The following CRISP1 variants were observed in gnomAD, a reference collection of about 807,000 sequenced individuals.
CRISP1 encodes the protein cysteine rich secretory protein 1.
A neutral mutation model predicts 33.1 loss-of-function variants in CRISP1; 44 were observed. The ratio of observed to expected loss-of-function variants is 1.33; its 90% confidence interval spans 1.05 to 1.71. The LOEUF (loss-of-function observed/expected upper bound fraction) is 1.71, where lower values mean the gene tolerates loss of function less well. CRISP1 is among the 40% of genes most tolerant of loss of function. CRISP1 has a pLI of 0.00. For missense variants in CRISP1, 390 were observed against 301.2 expected (o/e 1.29, Z -2.18); for synonymous variants, 103 against 98.7 (o/e 1.04, Z -0.26).
intron 1 of CRISP1, among the ~76,000 whole-genome samples, chr6:49,858,225 G>C (rs1771547278): frequency 6.6e-6 from 1 of 152,104 alleles, no homozygotes; most frequent in African/African-American, 2.4e-5. Flanking sequence ...ACAAATCAGA[G>C]CTAATGTACC....
rs145478488 is a variant in CRISP1 at position 49,845,499 on chromosome 6, T to A, written c.435+1021A>T. ...TAATAGAGCAAAGATGTGAAGAAATTGCAAATTTTGTAAATTGCTGGTGGG... is the reference window on the plus strand; with the variant it reads ...TAATAGAGCAAAGATGTGAAGAAATAGCAAATTTTGTAAATTGCTGGTGGG... On this transcript the variant is annotated intron_variant, in intron 5 of 7. Coordinates refer to ENST00000335847, the MANE Select transcript of CRISP1 (RefSeq NM_001131.3). 4.5e-3 allele frequency among the ~76,000 whole-genome samples: 683 copies of A among 152,334 alleles called. 5 individuals are homozygous for A. Among genetic ancestry groups the A allele is most frequent in the African/African-American group, 0.016 (661 of 41,584 alleles).
chr6:49,837,798 G>A (rs1399074563), intron 7 of CRISP1, among the ~76,000 whole-genome samples: 1 of 151,788 alleles, frequency 6.6e-6, no homozygotes, highest in Admixed American at 6.6e-5. Context: ...AATTATGTTT[G>A]CAGGTAGGCT....
In CRISP1 at chr6:49,848,295, C is replaced by T; in HGVS notation, c.200G>A (p.Trp67Ter). The T allele has an allele frequency of 6.3e-7, 1 of 1,587,188 alleles. No homozygotes were observed. ...PPASNMLKMS[W>*]SEEAAQNARI... ...GGCATTTTGTGCAGCCTCTTCACTCCAACTCTGTAGTGGAAAGAAAAAAAA... is the reference window on the plus strand; with the variant it reads ...GGCATTTTGTGCAGCCTCTTCACTCTAACTCTGTAGTGGAAAGAAAAAAAA... Residue 67 changes from tryptophan to a stop codon, truncating the protein, a stop_gained, in exon 4 of 8, where the codon TGG (tryptophan) becomes TAG (stop). Coordinates refer to ENST00000335847, the MANE Select transcript of CRISP1 (RefSeq NM_001131.3). LOFTEE classifies it high-confidence loss of function.
chr6:49,841,726 A>G (rs902408632), intron 5 of CRISP1, among the ~76,000 whole-genome samples: 13 of 152,226 alleles, frequency 8.5e-5, no homozygotes, highest in African/African-American at 3.1e-4. Context: ...GGCATACTGT[A>G]GAGTACTGAG....
upstream of CRISP1, among the ~76,000 whole-genome samples, chr6:49,868,750 A>G (rs1386341340): frequency 6.6e-6 from 1 of 152,100 alleles, no homozygotes; most frequent in Non-Finnish European, 1.5e-5. Context: ...TTGCTTCTTC[A>G]TACCACTCAG....
chr6:49,871,683 A>C (rs545612073), intron 1 of CRISP1, among the ~76,000 whole-genome samples: 3 of 151,414 alleles, frequency 2.0e-5, no homozygotes, highest in Non-Finnish European at 4.4e-5. Context: ...GTTTGCTGAG[A>C]ATGATGGTTT....
chr6:49,845,006 C>T (rs761769129), intron 5 of CRISP1, among the ~76,000 whole-genome samples: 6 of 151,934 alleles, frequency 3.9e-5, no homozygotes, highest in Non-Finnish European at 5.9e-5. Context: ...TGGGATGGAA[C>T]GAATCTATTT....
chr6:49,839,683 GA>G (rs1157698911), intron 6 of CRISP1, among the ~76,000 whole-genome samples: 2 of 152,188 alleles, frequency 1.3e-5, no homozygotes, highest in African/African-American at 4.8e-5. Context: ...CTTCAACCAA[GA>G]AAATTCCCCA....
chr6:49,874,613 T>A (rs1771996935), intron 1 of CRISP1, among the ~76,000 whole-genome samples: 2 of 152,032 alleles, frequency 1.3e-5, no homozygotes, highest in Non-Finnish European at 2.9e-5. Context: ...CAACAAAAAC[T>A]TCAGGTCAAT....
rs116718098 is a variant in CRISP1 at position 49,849,767 on chromosome 6, T to G, written c.196-1468A>C. Among the ~76,000 whole-genome samples the G allele has an allele frequency of 4.6e-3, 702 of 152,244 alleles. 12 individuals carry two copies. The highest frequency in any genetic ancestry group is 0.016 in the African/African-American group (680 of 41,558). On this transcript the variant is annotated intron_variant, in intron 3 of 7. Coordinates refer to ENST00000335847, the MANE Select transcript of CRISP1 (RefSeq NM_001131.3). ...GTATTTGCTGCCATCTTGTGGTCAA[T>G]GTTTAGAATTACCCTTGGGGTTGAT...
At chr6:49,872,578 T>C (rs1771950033) in intron 1 of CRISP1, among the ~76,000 whole-genome samples, 1 of 152,108 alleles carries the variant, frequency 6.6e-6, no homozygotes, top group Admixed American at 6.5e-5. Context: ...AATTTTTGTA[T>C]AAGGTGTAAG....
chr6:49,852,548 T>G (rs933386093), intron 2 of CRISP1, among the ~76,000 whole-genome samples: 1 of 152,170 alleles, frequency 6.6e-6, no homozygotes, highest in Non-Finnish European at 1.5e-5. Context: ...TACTTCCACT[T>G]GAACCCTTGT....
chr6:49,844,638 G>A (rs190192310), intron 5 of CRISP1, among the ~76,000 whole-genome samples: 6 of 133,390 alleles, frequency 4.5e-5, no homozygotes, highest in Admixed American at 4.3e-4. Flanking sequence ...ACAGAGCCAT[G>A]GGTGATGCTG....
intron 2 of CRISP1, among the ~76,000 whole-genome samples, chr6:49,854,466 C>T (rs895319496): frequency 6.6e-6 from 1 of 152,148 alleles, no homozygotes; most frequent in Non-Finnish European, 1.5e-5. Flanking sequence ...TTCCCAGGCT[C>T]AAGCGATTCT....
intron 1 of CRISP1, among the ~76,000 whole-genome samples, chr6:49,872,653 A>G (rs1333989581): frequency 2.0e-5 from 3 of 152,284 alleles, no homozygotes; most frequent in Admixed American, 2.0e-4. Flanking sequence ...TTTATTAAAT[A>G]GGGAATCGTT....
At position 49,872,118 on chromosome 6, in the gene CRISP1, T is replaced by A. The variant is rs550522142; in HGVS notation, c.-3+4891A>T. On this transcript the variant is annotated intron_variant, in intron 1 of 7. Coordinates refer to the CRISP1 transcript ENST00000505118. Reference sequence around the variant, plus strand: ...TAACTGGTGTGAGATGATATCTCATTGTGGTTTTGATTTGGATTTCTCTGA... The same window carrying A: ...TAACTGGTGTGAGATGATATCTCATAGTGGTTTTGATTTGGATTTCTCTGA... Among the ~76,000 whole-genome samples, 76 of 152,336 alleles carry A rather than the reference T, an allele frequency of 5.0e-4. 1 individual carries two copies. The Middle Eastern group carries it at 0.014, about 27-fold the overall frequency.
intron 1 of CRISP1, among the ~76,000 whole-genome samples, chr6:49,861,627 T>C (rs925625798): frequency 6.6e-6 from 1 of 152,140 alleles, no homozygotes; most frequent in African/African-American, 2.4e-5. Context: ...CTCACGCCTG[T>C]AGTTCCAGCA....
intron 2 of CRISP1, among the ~76,000 whole-genome samples, chr6:49,854,761 T>C (rs1364674514): frequency 6.6e-6 from 1 of 152,186 alleles, no homozygotes; most frequent in Non-Finnish European, 1.5e-5. Context: ...CCTGCCCTGC[T>C]GCTTAGGCAT....
At chr6:49,858,567 T>C (rs181749441) in intron 1 of CRISP1, among the ~76,000 whole-genome samples, 415 of 152,308 alleles carry the variant, frequency 2.7e-3, no homozygotes, top group Non-Finnish European at 4.8e-3. Flanking sequence ...CTAAATCAAT[T>C]CTTTCAGAGA....
Sources: gnomAD v4.1 joint callset for allele counts (sites outside exome capture counted in the v4.1 genomes callset) on GRCh38, gnomAD v4.1.1 for gene constraint, MANE v1.5 for transcripts, NCBI Gene and HGNC (gene_info 2026-07-23, HGNC 2026-07-21) for gene names.